MAP4K3: variants seen among roughly 807,000 people sequenced by gnomAD.
The protein encoded by MAP4K3 is MAPK/ERK kinase kinase kinase 3.
In MAP4K3, 94 loss-of-function variants were observed where a neutral mutation model predicts 143.5. The observed-to-expected ratio is 0.65, with a 90% confidence interval of 0.55 to 0.78. MAP4K3 has a LOEUF of 0.78. Ranked by LOEUF, MAP4K3 falls within the 30% of genes least tolerant of loss-of-function variation. The probability of loss-of-function intolerance (pLI) is 0.00; values close to 1 mark genes in which losing one functional copy is unlikely to be tolerated. For synonymous variants in MAP4K3, 416 were observed against 347.2 expected, an observed-to-expected ratio of 1.20 and a Z score of -2.20; for missense variants, 1,077 against 1,068.1, an observed-to-expected ratio of 1.01 and a Z score of -0.12.
chr2:39,292,901 A>T, intron 17 of MAP4K3, 75 bp from the exon 18 acceptor site: 2 of 1,229,570 alleles, frequency 1.6e-6, no homozygotes, highest in Non-Finnish European at 2.4e-6. Context: ...TAGAAAATGC[A>T]GGAAAAGCTA....
intron 3 of MAP4K3, among the ~76,000 whole-genome samples, chr2:39,345,460 C>A (rs1465965498): frequency 1.3e-5 from 2 of 152,030 alleles, no homozygotes; most frequent in Non-Finnish European, 2.9e-5. Flanking sequence ...AGCCATAGGT[C>A]ACATATGGTT....
chr2:39,362,318 A>G (rs1665793447), intron 2 of MAP4K3, among the ~76,000 whole-genome samples: 2 of 152,230 alleles, frequency 1.3e-5, no homozygotes, highest in Admixed American at 6.5e-5. Flanking sequence ...GGAAGATGAC[A>G]TGACATTGCA....
chr2:39,350,561 T>C (rs1475522278), intron 3 of MAP4K3, among the ~76,000 whole-genome samples: 1 of 152,222 alleles, frequency 6.6e-6, no homozygotes, highest in Non-Finnish European at 1.5e-5. Context: ...ATAAATGTAT[T>C]TCGAGTTAAG....
At chr2:39,303,510 C>T (rs971143750) in intron 15 of MAP4K3, among the ~76,000 whole-genome samples, 1 of 151,678 alleles carries the variant, frequency 6.6e-6, no homozygotes, top group African/African-American at 2.4e-5. Flanking sequence ...TATTTATGCC[C>T]CTACATAGTC....
At chr2:39,407,287 A>G (rs1473558718) in intron 1 of MAP4K3, among the ~76,000 whole-genome samples, 1 of 152,118 alleles carries the variant, frequency 6.6e-6, no homozygotes, top group East Asian at 1.9e-4. Flanking sequence ...CCTAAATAGT[A>G]TCTTCCTAAG....
rs111387595 is a variant in MAP4K3 at position 39,325,986 on chromosome 2, C to T, written c.663-25G>A. On this transcript the variant is annotated intron_variant, in intron 9 of 33. Transcript: ENST00000263881. ...TCTGAAAAATCAACAAATCATTACA[C>T]AGCATTTTAATATTTCACATTTTTA... 441 of 1,553,024 alleles carry T rather than the reference C, an allele frequency of 2.8e-4. 4 individuals are homozygous for T. The African/African-American group carries it at 5.4e-3, about 19-fold the overall frequency.
In MAP4K3 at chr2:39,309,549, T is replaced by C. The variant is rs772598761; in HGVS notation, c.998-30A>G. The C allele has an allele frequency of 1.0e-4, 38 of 367,422 alleles. 1 individual carries two copies. Among genetic ancestry groups the C allele is most frequent in the Middle Eastern group, 1.8e-3 (2 of 1,116 alleles). 22.8% of individuals were successfully genotyped at this position (367,422 alleles called of 1,614,324 possible). A position where few individuals can be genotyped will look rare whatever the true frequency, so the allele number is the denominator to read the frequency against. ...AAAAGAAAAAAAAGTAAAACCAGGA[T>C]TTTTTTTTTTTTTTTTTTTTTTTTT... On this transcript the variant is annotated intron_variant, in intron 13 of 33. Transcript: ENST00000263881.
chr2:39,410,759 A>G (rs1259907947), intron 1 of MAP4K3, among the ~76,000 whole-genome samples: 4 of 152,242 alleles, frequency 2.6e-5, no homozygotes, highest in Non-Finnish European at 5.9e-5. Context: ...CTCTTCAAAA[A>G]TGTAATTTTC....
At chr2:39,293,138 C>G in intron 17 of MAP4K3, 92 bp downstream of exon 17, 1 of 941,924 alleles carries the variant, frequency 1.1e-6, no homozygotes, top group South Asian at 1.5e-5. Context: ...AAAAAGACAA[C>G]GCAAACAAAT....
At chr2:39,347,076 C>G (rs1014805544) in intron 3 of MAP4K3, among the ~76,000 whole-genome samples, 1 of 152,114 alleles carries the variant, frequency 6.6e-6, no homozygotes. Context: ...AAGAAATTAT[C>G]TGCTCTTTAC....
chr2:39,387,846 A>T lies in MAP4K3; in HGVS notation c.97-9723T>A, dbSNP rs144399341. ...ATGGCTCTTTGTTTCTTAAAACCAG[A>T]TAATTAAAGATCTACATTTCTAGGA... On this transcript the variant is annotated intron_variant, in intron 1 of 33. Transcript: ENST00000263881. 5.3e-3 allele frequency among the ~76,000 whole-genome samples: 808 copies of T among 152,226 alleles called. 5 individuals carry two copies. The highest frequency in any genetic ancestry group is 9.3e-3 in the Non-Finnish European group (630 of 68,006).
At chr2:39,271,641 G>A (rs1681029678) in intron 26 of MAP4K3, among the ~76,000 whole-genome samples, 1 of 152,182 alleles carries the variant, frequency 6.6e-6, no homozygotes, top group South Asian at 2.1e-4. Context: ...AGCCAGGCTG[G>A]AGTGTAGTGG....
intron 4 of MAP4K3, among the ~76,000 whole-genome samples, chr2:39,339,693 T>C (rs925284382): frequency 2.6e-5 from 4 of 152,148 alleles, no homozygotes; most frequent in African/African-American, 4.8e-5. Context: ...TTGGCTGTCA[T>C]AGGGATGGAG....
chr2:39,323,781 G>A (rs1265997876), intron 12 of MAP4K3: 1 of 151,852 alleles, frequency 6.6e-6, no homozygotes, highest in African/African-American at 2.4e-5. Context: ...AAAAGTGCAT[G>A]AAAAGTTCAT....
At chr2:39,435,066 A>G (rs1665411457) in intron 1 of MAP4K3, among the ~76,000 whole-genome samples, 1 of 152,216 alleles carries the variant, frequency 6.6e-6, no homozygotes, top group Non-Finnish European at 1.5e-5. Flanking sequence ...AAACGTATAC[A>G]TTCATCGAGT....
At chr2:39,430,506 A>G (rs1485604447) in intron 1 of MAP4K3, among the ~76,000 whole-genome samples, 3 of 152,192 alleles carry the variant, frequency 2.0e-5, no homozygotes, top group Non-Finnish European at 2.9e-5. Flanking sequence ...TTGTACATAT[A>G]AAGGTGGTAT....
At chr2:39,386,715 GGATCTATTTCTGGACCCCATGTT>G (rs1666514410) in intron 1 of MAP4K3, among the ~76,000 whole-genome samples, 1 of 151,384 alleles carries the variant, frequency 6.6e-6, no homozygotes, top group Admixed American at 6.6e-5. Flanking sequence ...ATATTTGTGT[GGATCTATTTCTGGACCCCATGTT>G]GATCTATATT....
In MAP4K3 at chr2:39,337,583, T is replaced by C; in HGVS notation, c.311-2A>G. 1 of 1,605,194 alleles carries C rather than the reference T, an allele frequency of 6.2e-7. No homozygotes were observed. Among genetic ancestry groups the C allele is most frequent in the Non-Finnish European group, 8.5e-7 (1 of 1,172,408 alleles). On this transcript the variant is annotated splice_acceptor_variant, in intron 4 of 33. Transcript: ENST00000263881. LOFTEE classifies it high-confidence loss of function. Reference sequence around the variant, plus strand: ...GCAGTTCTGACAGAGGTCCAGTTACTGTAAAAGAAGACAATTAATACTCAT... The same window carrying C: ...GCAGTTCTGACAGAGGTCCAGTTACCGTAAAAGAAGACAATTAATACTCAT...
intron 8 of MAP4K3, among the ~76,000 whole-genome samples, chr2:39,329,374 T>C (rs1371966256): frequency 6.6e-6 from 1 of 152,098 alleles, no homozygotes; most frequent in East Asian, 1.9e-4. Flanking sequence ...GCAGACATAT[T>C]TTAACTAAAA....
Sources: gnomAD v4.1 joint callset for allele counts (sites outside exome capture counted in the v4.1 genomes callset) on GRCh38, gnomAD v4.1.1 for gene constraint, MANE v1.5 for transcripts, NCBI Gene and HGNC (gene_info 2026-07-23, HGNC 2026-07-21) for gene names.